CHODL: variants seen among roughly 807,000 people sequenced by gnomAD.
CHODL encodes chondrolectin, also known as transmembrane protein MT75.
Under a neutral mutation model 34.5 loss-of-function variants are expected in CHODL, and 29 were observed. That is an observed-to-expected ratio of 0.84 (90% confidence interval 0.63 to 1.15). CHODL has a LOEUF of 1.15. CHODL is among the 50% of genes most tolerant of loss of function. The probability of loss-of-function intolerance (pLI) is 0.00; values close to 1 mark genes in which losing one functional copy is unlikely to be tolerated. For missense variants in CHODL, 332 were observed against 332.5 expected (o/e 1.00, Z 0.01); for synonymous variants, 125 against 116.1 (o/e 1.08, Z -0.49).
chr21:18,201,800 CTTTTTT>C (rs547855975), intron 2 of CHODL, among the ~76,000 whole-genome samples: 2 of 114,412 alleles, frequency 1.7e-5, no homozygotes, highest in Admixed American at 9.5e-5. Context: ...TTTTTAAAAA[CTTTTTT>C]TTTTTTTTTT....
intron 2 of CHODL, among the ~76,000 whole-genome samples, chr21:18,130,198 T>C (rs921420101): frequency 3.3e-5 from 5 of 152,334 alleles, no homozygotes; most frequent in Admixed American, 3.3e-4. Flanking sequence ...GTTTCCTTAC[T>C]TGTAAAGTGG....
chr21:17,978,746 AC>A (rs1291380174), intron 1 of CHODL, among the ~76,000 whole-genome samples: 7 of 143,710 alleles, frequency 4.9e-5, no homozygotes, highest in African/African-American at 1.6e-4. Context: ...AAAAAAAAAA[AC>A]AAACAAACAG....
In CHODL at chr21:18,245,093, A is replaced by T. The variant is rs1601193712; in HGVS notation, c.-131A>T. 1 of 727,160 alleles carries T rather than the reference A, an allele frequency of 1.4e-6. No homozygotes were observed. Among genetic ancestry groups the T allele is most frequent in the Non-Finnish European group, 2.0e-6 (1 of 489,052 alleles). 45.0% of individuals were successfully genotyped at this position (727,160 alleles called of 1,614,324 possible). ...AGGCGATGCGCGCAGGGGGTCGGGC[A>T]GCTGGGCTCGGGCGGCGGGAGTAGG... is the stretch of plus-strand genomic sequence containing the variant. On this transcript the variant is annotated 5_prime_UTR_variant, in exon 1 of 6. Coordinates refer to ENST00000299295, the MANE Select transcript of CHODL (RefSeq NM_024944.3).
At chr21:17,950,312 A>T (rs2063445417) in intron 1 of CHODL, among the ~76,000 whole-genome samples, 1 of 152,114 alleles carries the variant, frequency 6.6e-6, no homozygotes, top group South Asian at 2.1e-4. Flanking sequence ...GGTATATAAT[A>T]ATTCAAGGAA....
At chr21:18,227,543 A>G (rs1197055262) in intron 2 of CHODL, among the ~76,000 whole-genome samples, 1 of 152,108 alleles carries the variant, frequency 6.6e-6, no homozygotes, top group Non-Finnish European at 1.5e-5. Flanking sequence ...AGTAAATAAA[A>G]TCTTCTCTTC....
chr21:17,929,334 A>C (rs1414850537), intron 1 of CHODL, among the ~76,000 whole-genome samples: 2 of 152,258 alleles, frequency 1.3e-5, no homozygotes, highest in African/African-American at 4.8e-5. Context: ...ATATTTAAAA[A>C]GTTTTTTGAA....
chr21:18,176,095 G>C (rs1052160217), intron 2 of CHODL, among the ~76,000 whole-genome samples: 2 of 152,116 alleles, frequency 1.3e-5, no homozygotes, highest in Non-Finnish European at 2.9e-5. Flanking sequence ...AGACATGCCG[G>C]TTATATTTAA....
intron 1 of CHODL, among the ~76,000 whole-genome samples, chr21:17,947,557 A>C (rs1025223613): frequency 3.3e-5 from 5 of 151,886 alleles, no homozygotes; most frequent in Non-Finnish European, 7.4e-5. Context: ...ACACACACAC[A>C]CACACACACA....
intron 1 of CHODL, among the ~76,000 whole-genome samples, chr21:17,952,456 C>T (rs12626848): frequency 0.25 from 37,173 of 151,362 alleles, 5,205 homozygotes; most frequent in South Asian, 0.4. Context: ...AAGTGCTGAA[C>T]GAAAAATTAC....
intron 1 of CHODL, chr21:18,024,697 T>C (rs1373705102): frequency 1.3e-5 from 2 of 152,134 alleles, no homozygotes; most frequent in Non-Finnish European, 2.9e-5. Flanking sequence ...TTTGATGATA[T>C]CATGAAGCAT....
At chr21:18,112,848 G>C (rs909344763) in intron 2 of CHODL, among the ~76,000 whole-genome samples, 3 of 152,144 alleles carry the variant, frequency 2.0e-5, no homozygotes, top group Non-Finnish European at 4.4e-5. Flanking sequence ...CTAGGACATT[G>C]GTCTGGGCAA....
intron 2 of CHODL, among the ~76,000 whole-genome samples, chr21:18,050,575 A>G (rs2064501444): frequency 6.6e-6 from 1 of 151,964 alleles, no homozygotes; most frequent in Non-Finnish European, 1.5e-5. Context: ...GGTAGGAATG[A>G]CAAGACTTGA....
intron 2 of CHODL, among the ~76,000 whole-genome samples, chr21:18,236,953 A>G (rs1417777028): frequency 6.6e-6 from 1 of 152,122 alleles, no homozygotes; most frequent in Non-Finnish European, 1.5e-5. Context: ...ATGTTATAGT[A>G]TAGTATTTTT....
chr21:17,994,024 G>A (rs755883420), intron 1 of CHODL, among the ~76,000 whole-genome samples: 8 of 151,712 alleles, frequency 5.3e-5, no homozygotes, highest in Non-Finnish European at 8.8e-5. Flanking sequence ...TTCAGCTATT[G>A]CCTTATTGAT....
chr21:18,181,985 T>C (rs530473640), intron 2 of CHODL, among the ~76,000 whole-genome samples: 1 of 152,334 alleles, frequency 6.6e-6, no homozygotes, highest in East Asian at 1.9e-4. Flanking sequence ...GAATATGAGT[T>C]ATTTTCACTT....
rs528007345 is a variant in CHODL at position 18,245,003 on chromosome 21, T to C, written c.-221T>C. On this transcript the variant is annotated 5_prime_UTR_variant, in exon 1 of 6. Coordinates refer to ENST00000299295, the MANE Select transcript of CHODL (RefSeq NM_024944.3). Reference sequence around the variant, plus strand: ...GTCCCCCAAACGCGCACCCTCGAAGTCTTGAACTCCAGCCCCGCACATCCA... The same window carrying C: ...GTCCCCCAAACGCGCACCCTCGAAGCCTTGAACTCCAGCCCCGCACATCCA... The C allele has an allele frequency of 4.9e-5, 23 of 465,364 alleles. No homozygotes were observed. The highest frequency in any genetic ancestry group is 4.3e-4 in the African/African-American group (21 of 48,492). 28.8% of individuals were successfully genotyped at this position (465,364 alleles called of 1,614,324 possible). A position where few individuals can be genotyped will look rare whatever the true frequency, so the allele number is the denominator to read the frequency against.
intron 2 of CHODL, among the ~76,000 whole-genome samples, chr21:18,122,140 A>G (rs2065487370): frequency 6.6e-6 from 1 of 152,174 alleles, no homozygotes; most frequent in African/African-American, 2.4e-5. Flanking sequence ...TAAAACAACT[A>G]TAGGGTTCTA....
chr21:18,169,949 C>A (rs1294938092), intron 2 of CHODL, among the ~76,000 whole-genome samples: 8 of 151,930 alleles, frequency 5.3e-5, no homozygotes, highest in Non-Finnish European at 1.0e-4. Flanking sequence ...GCTATTAAAT[C>A]CAGTTATTTT....
At chr21:18,228,230 CAA>C (rs1234639647) in intron 2 of CHODL, among the ~76,000 whole-genome samples, 1 of 152,112 alleles carries the variant, frequency 6.6e-6, no homozygotes, top group Admixed American at 6.6e-5. Context: ...GTCACACACA[CAA>C]GAGTGTGGAT....
Sources: allele counts gnomAD v4.1 joint callset (sites outside exome capture counted in the v4.1 genomes callset), GRCh38; gene constraint gnomAD v4.1.1; transcripts MANE v1.5; gene names NCBI Gene and HGNC (gene_info 2026-07-23, HGNC 2026-07-21).